Variants in EDARADD observed in about 807,000 individuals in gnomAD.
The protein encoded by EDARADD is EDAR associated via death domain.
In EDARADD, 20 loss-of-function variants were observed where a neutral mutation model predicts 25.6. That is an observed-to-expected ratio of 0.78 (90% CI 0.55 to 1.14). EDARADD has a LOEUF of 1.14. Ranked by LOEUF, EDARADD falls within the 50% of genes most tolerant of loss-of-function variation. The pLI, the probability that EDARADD is intolerant of heterozygous loss-of-function variation, is 0.00. For missense variants in EDARADD, 225 were observed against 270.1 expected, an observed-to-expected ratio of 0.83 and a Z score of 1.17; for synonymous variants, 86 against 94.4, an observed-to-expected ratio of 0.91 and a Z score of 0.52.
chr1:236,419,838 A>C (rs1432480678), intron 3 of EDARADD, among the ~76,000 whole-genome samples: 1 of 152,192 alleles, frequency 6.6e-6, no homozygotes, highest in Non-Finnish European at 1.5e-5. Flanking sequence ...ATGAATATAC[A>C]TGGTCCCTTA....
upstream of EDARADD, among the ~76,000 whole-genome samples, chr1:236,391,770 C>T (rs904281948): frequency 1.3e-5 from 2 of 152,060 alleles, no homozygotes; most frequent in African/African-American, 4.8e-5. Context: ...TTGTTGTTTC[C>T]CCCATTTAAA....
At chr1:236,357,289 G>A (rs1022645127) in intron 3 of EDARADD, among the ~76,000 whole-genome samples, 2 of 152,106 alleles carry the variant, frequency 1.3e-5, no homozygotes, top group Non-Finnish European at 2.9e-5. Flanking sequence ...GAATCAGCAG[G>A]CTTTTTCACA....
chr1:236,397,635 C>A (rs1057273381), intron 1 of EDARADD, among the ~76,000 whole-genome samples: 1 of 152,060 alleles, frequency 6.6e-6, no homozygotes, highest in Admixed American at 6.6e-5. Context: ...AGGTAGAACC[C>A]AAACCTGTCG....
chr1:236,439,330 G>A (rs1297130164), intron 4 of EDARADD, among the ~76,000 whole-genome samples: 2 of 152,150 alleles, frequency 1.3e-5, no homozygotes, highest in Non-Finnish European at 2.9e-5. Context: ...GCAGATTTTT[G>A]TGTGGCCATA....
At chr1:236,476,292 G>C (rs1659502438) in intron 5 of EDARADD, among the ~76,000 whole-genome samples, 1 of 152,042 alleles carries the variant, frequency 6.6e-6, no homozygotes, top group Non-Finnish European at 1.5e-5. Flanking sequence ...TGCCAACACT[G>C]AATCTTACAA....
chr1:236,401,158 C>T (rs561546249), intron 1 of EDARADD, among the ~76,000 whole-genome samples: 70 of 151,966 alleles, frequency 4.6e-4, no homozygotes, highest in African/African-American at 1.6e-3. Context: ...TGCACTACAG[C>T]CTGGGCGACA....
At chr1:236,462,360 G>T (rs1160546455) in intron 4 of EDARADD, among the ~76,000 whole-genome samples, 1 of 151,860 alleles carries the variant, frequency 6.6e-6, no homozygotes, top group African/African-American at 2.4e-5. Flanking sequence ...GAGGTTTTGG[G>T]TTGGTGATGT....
Position 236,410,480 on chromosome 1 carries a change from A to G in EDARADD, c.120+1206A>G, listed in dbSNP as rs574684324. Among the ~76,000 whole-genome samples the G allele has an allele frequency of 6.6e-5, 10 of 152,072 alleles. No individual in the cohort carries two copies. In the East Asian group the frequency reaches 1.9e-3, roughly 29 times the overall value. ...TTTTCAACCTCCCAAGATCCTCCCA[A>G]CCATCCCTTGAGATGGTGGGGCACG... On this transcript the variant is annotated intron_variant, in intron 2 of 5. Coordinates refer to ENST00000334232, the MANE Select transcript of EDARADD (RefSeq NM_145861.4).
At chr1:236,429,048 A>G (rs1438291646) in intron 4 of EDARADD, among the ~76,000 whole-genome samples, 1 of 152,070 alleles carries the variant, frequency 6.6e-6, no homozygotes, top group Non-Finnish European at 1.5e-5. Flanking sequence ...AGGCAGGAGA[A>G]TCAGGCAGGG....
rs1659748407 is a variant in EDARADD, at chr1:236,483,663, GA to G, written c.*1015del. On this transcript the variant is annotated 3_prime_UTR_variant, in exon 6 of 6. Coordinates refer to ENST00000334232, the MANE Select transcript of EDARADD (RefSeq NM_145861.4). ...TGCTGTCACCAAGCTGGCCATGCAG[GA>G]GTTCATGGTCCTCCCAGTCGGTGCA... The G allele has an allele frequency of 1.3e-6, 2 of 1,575,370 alleles. No individual in the cohort carries two copies. Among genetic ancestry groups the G allele is most frequent in the Admixed American group, 3.3e-5 (2 of 59,708 alleles).
chr1:236,367,518 C>T (rs372623010), intron 3 of EDARADD, among the ~76,000 whole-genome samples: 8 of 152,136 alleles, frequency 5.3e-5, no homozygotes, highest in Non-Finnish European at 7.3e-5. Context: ...CATGGGCCAC[C>T]GCACCCAGCC....
chr1:236,453,891 G>A (rs2103028295), intron 4 of EDARADD, among the ~76,000 whole-genome samples: 1 of 152,214 alleles, frequency 6.6e-6, no homozygotes. Flanking sequence ...TTTAAGTTCT[G>A]CATTATGTTA....
intron 4 of EDARADD, among the ~76,000 whole-genome samples, chr1:236,456,871 G>A (rs1482775624): frequency 1.3e-5 from 2 of 152,078 alleles, no homozygotes; most frequent in Non-Finnish European, 2.9e-5. Context: ...GTCATGCCCT[G>A]GTCAAGCATT....
At chr1:236,407,266 G>A (rs983150702) in intron 1 of EDARADD, among the ~76,000 whole-genome samples, 3 of 152,162 alleles carry the variant, frequency 2.0e-5, no homozygotes, top group Non-Finnish European at 4.4e-5. Flanking sequence ...GTCCCCGGGG[G>A]TTAGGCTGCT....
chr1:236,372,945 G>A (rs1004451899), intron 3 of EDARADD, among the ~76,000 whole-genome samples: 6 of 122,234 alleles, frequency 4.9e-5, no homozygotes, highest in African/African-American at 1.9e-4. Context: ...AGACAGAGTC[G>A]CTCTCTGTTA....
chr1:236,483,946 T>C lies in EDARADD; in HGVS notation c.*1297T>C. On this transcript the variant is annotated 3_prime_UTR_variant, in exon 6 of 6. Transcript: ENST00000334232. ...AGGTCTGGAAAGTATGACCTGGAAT[T>C]CAAGTTTCTCGACGACCCCACCAGG... is the stretch of plus-strand genomic sequence containing the variant. 1 of 1,371,190 alleles carries C rather than the reference T, an allele frequency of 7.3e-7. No homozygotes were observed. The highest frequency in any genetic ancestry group is 1.0e-6 in the Non-Finnish European group (1 of 961,350). The allele number at this position is 1,371,190 out of a possible 1,614,324, so 84.9% of individuals were successfully genotyped here.
At chr1:236,442,733 G>T (rs1463149249) in intron 4 of EDARADD, among the ~76,000 whole-genome samples, 3 of 152,162 alleles carry the variant, frequency 2.0e-5, no homozygotes, top group African/African-American at 7.2e-5. Context: ...CAATAAAAAA[G>T]ATTCCTTTCA....
chr1:236,479,408 T>C (rs1659602569), intron 5 of EDARADD, among the ~76,000 whole-genome samples: 1 of 151,922 alleles, frequency 6.6e-6, no homozygotes, highest in Non-Finnish European at 1.5e-5. Flanking sequence ...GGTGAGAGTA[T>C]TGCTTGAGCC....
chr1:236,359,517 G>T (rs1667022102), intron 3 of EDARADD, among the ~76,000 whole-genome samples: 1 of 152,132 alleles, frequency 6.6e-6, no homozygotes, highest in Admixed American at 6.5e-5. Context: ...CTTCCCAGCT[G>T]TATTAGTCCA....
Sources: gnomAD v4.1 joint callset for allele counts (sites outside exome capture counted in the v4.1 genomes callset) on GRCh38, gnomAD v4.1.1 for gene constraint, MANE v1.5 for transcripts, NCBI Gene and HGNC (gene_info 2026-07-23, HGNC 2026-07-21) for gene names.